ADGRE3: variants seen among roughly 807,000 people sequenced by gnomAD.
The protein encoded by ADGRE3 is EGF-like module receptor 3.
A neutral mutation model predicts 80.1 loss-of-function variants in ADGRE3; 88 were observed. That is an observed-to-expected ratio of 1.10 (90% confidence interval 0.93 to 1.31). The LOEUF is 1.31. ADGRE3 is among the 40% of genes most tolerant of loss of function. The probability of loss-of-function intolerance (pLI) is 0.00; values close to 1 mark genes in which losing one functional copy is unlikely to be tolerated. For missense variants in ADGRE3, 715 were observed against 776.5 expected (o/e 0.92, Z 0.94); for synonymous variants, 281 against 294.8 (o/e 0.95, Z 0.48).
At chr19:14,655,526 G>A (rs1971730140) in intron 5 of ADGRE3, among the ~76,000 whole-genome samples, 1 of 152,058 alleles carries the variant, frequency 6.6e-6, no homozygotes, top group Admixed American at 6.6e-5. Context: ...TGGGATCTTG[G>A]CTCACTGCAA....
chr19:14,600,736 C>G, the ADGRE3 span, among the ~76,000 whole-genome samples: 1 of 151,216 alleles, frequency 6.6e-6, no homozygotes, highest in Non-Finnish European at 1.5e-5. Flanking sequence ...TGCCCACCAC[C>G]ACGCCCGGCT....
downstream of ADGRE3, among the ~76,000 whole-genome samples, chr19:14,614,836 C>T (rs1362213121): frequency 6.6e-6 from 1 of 151,466 alleles, no homozygotes; most frequent in Non-Finnish European, 1.5e-5. Flanking sequence ...CTTAGCCTCC[C>T]AACGTGCTGC....
chr19:14,601,260 T>C, the ADGRE3 span, among the ~76,000 whole-genome samples: 4 of 152,226 alleles, frequency 2.6e-5, no homozygotes, highest in Admixed American at 2.6e-4. Flanking sequence ...ATGGTGAAAG[T>C]AGACGAGGGA....
intron 15 of ADGRE3, among the ~76,000 whole-genome samples, chr19:14,624,537 C>T (rs1002278351): frequency 6.6e-6 from 1 of 151,850 alleles, no homozygotes; most frequent in Non-Finnish European, 1.5e-5. Flanking sequence ...GGTAGGACTG[C>T]TCGAGCTGGG....
downstream of ADGRE3, among the ~76,000 whole-genome samples, chr19:14,617,341 C>CCTTTCTTTTTCTTTCTTTCTTTCTTT (rs2075083332): frequency 1.7e-5 from 1 of 57,170 alleles, no homozygotes; most frequent in Non-Finnish European, 3.7e-5. Context: ...TCCCTCCCTC[C>CCTTTCTTTTTCTTTCTTTCTTTCTTT]CTTTCTTTCT....
rs200849808 is a variant in ADGRE3, at chr19:14,663,401, T to A, written c.199+17A>T. 4 of 1,456,716 alleles carry A rather than the reference T, an allele frequency of 2.7e-6. No homozygotes were observed. The East Asian group carries it at 7.4e-5, about 27-fold the overall frequency. The allele number at this position is 1,456,716 out of a possible 1,614,324, so 90.2% of individuals were successfully genotyped here. A position where few individuals can be genotyped will look rare whatever the true frequency, so the allele number is the denominator to read the frequency against. ...ATAATAAAATAATAATAATAAAAAATAATAATACTTCTTTACCGTTACATG... is the reference window on the plus strand; with the variant it reads ...ATAATAAAATAATAATAATAAAAAAAAATAATACTTCTTTACCGTTACATG... On this transcript the variant is annotated intron_variant, in intron 3 of 15. Transcript: ENST00000253673.
rs1376445075 is a variant in ADGRE3 at position 14,647,264 on chromosome 19, A to C, written c.799T>G (p.Ser267Ala). 6.2e-7 allele frequency: 1 copy of C among 1,613,792 alleles called. No homozygotes were observed. Among genetic ancestry groups the C allele is most frequent in the Admixed American group, 1.7e-5 (1 of 60,022 alleles). The change falls in exon 8 of 16, where the codon TCT becomes GCT. Residue 267 changes from serine to alanine, a missense_variant. Ser to Ala is a moderately conservative substitution (Grantham distance 99). Transcript: ENST00000253673. ...MDKKDQVYLN[S>A]QVVSAAIGPK... The stretch of plus-strand genomic sequence containing the variant: ...CCAATAGCAGCACTCACAACCTGAG[A>C]GTTCAGATACACTTGATCTTTCTTA...
intron 14 of ADGRE3, 56 bp from the exon 15 acceptor site, chr19:14,625,655 A>C (rs962968192): frequency 6.5e-6 from 7 of 1,071,046 alleles, no homozygotes; most frequent in Middle Eastern, 2.0e-4. Flanking sequence ...TGAACAGCAG[A>C]AAGGTCGGTG....
chr19:14,650,087 CCCATCTCTCTCTTT>C (rs1468790530), intron 7 of ADGRE3, among the ~76,000 whole-genome samples: 1 of 147,878 alleles, frequency 6.8e-6, no homozygotes, highest in Non-Finnish European at 1.5e-5. Flanking sequence ...TCTCTCTCTC[CCCATCTCTCTCTTT>C]CCATCCCTCT....
At chr19:14,671,683 G>T (rs1301483156) in intron 1 of ADGRE3, among the ~76,000 whole-genome samples, 1 of 152,128 alleles carries the variant, frequency 6.6e-6, no homozygotes, top group Non-Finnish European at 1.5e-5. Context: ...TTTGTGATCA[G>T]TTACTTATGC....
At chr19:14,612,266 G>T in the ADGRE3 span, among the ~76,000 whole-genome samples, 1 of 152,126 alleles carries the variant, frequency 6.6e-6, no homozygotes, top group Non-Finnish European at 1.5e-5. Context: ...GTCTTGGCTT[G>T]TAGATGATCC....
intron 10 of ADGRE3, among the ~76,000 whole-genome samples, chr19:14,639,783 C>G (rs1362246300): frequency 2.6e-5 from 4 of 152,094 alleles, no homozygotes; most frequent in Non-Finnish European, 5.9e-5. Flanking sequence ...CTGCCCTCCC[C>G]CTATTTGCCT....
At chr19:14,661,862 G>T in intron 4 of ADGRE3, 101 bp downstream of exon 4, 1 of 1,320,488 alleles carries the variant, frequency 7.6e-7, no homozygotes, top group Non-Finnish European at 1.1e-6. Flanking sequence ...TCCAGCCTGG[G>T]CTACAGAGCG....
Position 14,674,743 on chromosome 19 carries a change from T to A in ADGRE3, c.25+3A>T. On this transcript the variant is annotated splice_donor_region_variant and intron_variant, in intron 1 of 15. Transcript: ENST00000253673. ...CCTCAGTCATTGTTACAGTCACACATACCTGGAAGAAGCAATGGTCCCTGC... is the reference window on the plus strand; with the variant it reads ...CCTCAGTCATTGTTACAGTCACACAAACCTGGAAGAAGCAATGGTCCCTGC... 6.2e-7 allele frequency: 1 copy of A among 1,613,902 alleles called. No individual in the cohort carries two copies.
chr19:14,646,543 ATTC>A (rs1253571776), intron 8 of ADGRE3, among the ~76,000 whole-genome samples: 6 of 144,394 alleles, frequency 4.2e-5, no homozygotes, highest in Non-Finnish European at 9.1e-5. Flanking sequence ...CATCTAGCTA[ATTC>A]TTTTTTTTTT....
intron 11 of ADGRE3, among the ~76,000 whole-genome samples, chr19:14,636,307 C>A (rs1971086825): frequency 6.7e-6 from 1 of 149,294 alleles, no homozygotes; most frequent in South Asian, 2.1e-4. Flanking sequence ...GCAACTTCCA[C>A]CTCCCGGGTT....
At chr19:14,607,028 G>C in the ADGRE3 span, 1 of 1,327,978 alleles carries the variant, frequency 7.5e-7, no homozygotes, top group African/African-American at 1.5e-5. Context: ...CTCCACGGGT[G>C]TACTGGCTGG....
chr19:14,670,585 T>C (rs954669282), intron 1 of ADGRE3, among the ~76,000 whole-genome samples: 3 of 152,232 alleles, frequency 2.0e-5, no homozygotes, highest in Admixed American at 2.0e-4. Flanking sequence ...CCTTTGCTCT[T>C]CCCCATGCCT....
At chr19:14,642,549 A>G (rs1456770040) in intron 9 of ADGRE3, among the ~76,000 whole-genome samples, 2 of 152,096 alleles carry the variant, frequency 1.3e-5, no homozygotes, top group African/African-American at 4.8e-5. Context: ...CTTAGTACCC[A>G]TTAGTTATTT....
Sources: gnomAD v4.1 joint callset for allele counts (sites outside exome capture counted in the v4.1 genomes callset) on GRCh38, gnomAD v4.1.1 for gene constraint, MANE v1.5 for transcripts, NCBI Gene and HGNC (gene_info 2026-07-23, HGNC 2026-07-21) for gene names.